The following ASIC2 variants were observed in gnomAD, a reference collection of about 807,000 sequenced individuals.
ASIC2 encodes the protein acid sensing ion channel subunit 2.
ASIC2 carries 25 observed loss-of-function variants against 57.3 expected under a neutral mutation model. The ratio of observed to expected loss-of-function variants is 0.44; its 90% confidence interval spans 0.32 to 0.61. The LOEUF (loss-of-function observed/expected upper bound fraction) is 0.61, where lower values mean the gene tolerates loss of function less well. ASIC2 is among the 20% of genes least tolerant of loss of function. The probability of loss-of-function intolerance (pLI) is 0.06; values close to 1 mark genes in which losing one functional copy is unlikely to be tolerated. For synonymous variants in ASIC2, 319 were observed against 307.5 expected, an observed-to-expected ratio of 1.04 and a Z score of -0.39; for missense variants, 641 against 738.1, an observed-to-expected ratio of 0.87 and a Z score of 1.52.
In ASIC2 at chr17:33,311,930, C is replaced by G. The variant is rs555456385; in HGVS notation, c.556-199863G>C. 2.0e-5 allele frequency among the ~76,000 whole-genome samples: 3 copies of G among 152,320 alleles called. No homozygotes were observed. The South Asian group carries it at 6.2e-4, about 32-fold the overall frequency. On this transcript the variant is annotated intron_variant, in intron 1 of 9. Transcript: ENST00000359872. ...GCAAATGGCTCCACCATCTCCCCAG[C>G]TTTATGTTGCTGCCATATTGAAATA...
chr17:33,324,936 C>T (rs1479431621), intron 1 of ASIC2, among the ~76,000 whole-genome samples: 1 of 152,216 alleles, frequency 6.6e-6, no homozygotes, highest in Non-Finnish European at 1.5e-5. Context: ...TTGTCCCTGA[C>T]AGTCTGGGAT....
chr17:33,756,307 C>A (rs1464173761), intron 1 of ASIC2, among the ~76,000 whole-genome samples: 1 of 152,216 alleles, frequency 6.6e-6, no homozygotes, highest in African/African-American at 2.4e-5. Flanking sequence ...CAAACACCAG[C>A]CCCTCAGATG....
At chr17:33,263,815 T>C (rs12952139) in intron 1 of ASIC2, among the ~76,000 whole-genome samples, 81,308 of 152,146 alleles carry the variant, frequency 0.53, 21,853 homozygotes, top group Middle Eastern at 0.6. Context: ...TCCTAAAGCA[T>C]GGTGCCCGGT....
chr17:33,924,483 C>G (rs1461745001), intron 1 of ASIC2, among the ~76,000 whole-genome samples: 1 of 152,204 alleles, frequency 6.6e-6, no homozygotes, highest in Non-Finnish European at 1.5e-5. Context: ...TGCATTCATG[C>G]TAGGAAAGCA....
chr17:34,016,442 A>AAG (rs1232754277), intron 1 of ASIC2, among the ~76,000 whole-genome samples: 1 of 150,984 alleles, frequency 6.6e-6, no homozygotes, highest in African/African-American at 2.4e-5. Flanking sequence ...AAAAAAAAAA[A>AAG]AAAAAGAAAC....
intron 1 of ASIC2, among the ~76,000 whole-genome samples, chr17:33,389,305 C>T (rs1346111338): frequency 6.6e-6 from 1 of 152,152 alleles, no homozygotes; most frequent in East Asian, 1.9e-4. Context: ...ACAATGTATC[C>T]CTTCTGTTTA....
chr17:33,408,199 G>A (rs1386601573), intron 1 of ASIC2, among the ~76,000 whole-genome samples: 1 of 152,244 alleles, frequency 6.6e-6, no homozygotes, highest in African/African-American at 2.4e-5. Flanking sequence ...GTAAAAAAGA[G>A]AGAAACTAGC....
intron 1 of ASIC2, among the ~76,000 whole-genome samples, chr17:33,226,395 G>A (rs1400270547): frequency 2.0e-5 from 3 of 152,128 alleles, no homozygotes; most frequent in African/African-American, 4.8e-5. Flanking sequence ...ATGAATAGGA[G>A]TTTTTTAGGT....
chr17:33,239,764 T>A (rs527473557), intron 1 of ASIC2, among the ~76,000 whole-genome samples: 1 of 152,272 alleles, frequency 6.6e-6, no homozygotes. Context: ...CCATCCCAAA[T>A]TCAAATATTG....
chr17:34,111,585 T>G (rs1043373483), intron 1 of ASIC2, among the ~76,000 whole-genome samples: 15 of 152,280 alleles, frequency 9.9e-5, no homozygotes, highest in Middle Eastern at 3.4e-3. Context: ...ATTCTGCAAG[T>G]CAAGCCTTTG....
chr17:33,214,767 G>A (rs1907414367), intron 1 of ASIC2, among the ~76,000 whole-genome samples: 1 of 152,276 alleles, frequency 6.6e-6, no homozygotes, highest in Admixed American at 6.5e-5. Flanking sequence ...AAACCACAGA[G>A]CTCAAGAAGA....
chr17:33,032,333 C>G (rs2091886766), intron 3 of ASIC2, among the ~76,000 whole-genome samples: 1 of 151,094 alleles, frequency 6.6e-6, no homozygotes. Context: ...CTTAACATCA[C>G]AATATACCTT....
At chr17:33,076,350 G>A (rs909649592) in intron 3 of ASIC2, among the ~76,000 whole-genome samples, 2 of 152,174 alleles carry the variant, frequency 1.3e-5, no homozygotes, top group African/African-American at 4.8e-5. Context: ...GAGCAGGCTG[G>A]ACCCCTCCTC....
chr17:33,918,389 C>T (rs921464761), intron 1 of ASIC2, among the ~76,000 whole-genome samples: 3 of 152,076 alleles, frequency 2.0e-5, no homozygotes, highest in Non-Finnish European at 4.4e-5. Context: ...CCTTGCATCC[C>T]CAACAACTAA....
At position 33,048,663 on chromosome 17, in the gene ASIC2, G is replaced by T. The variant is rs118091926; in HGVS notation, c.988-20271C>A. On this transcript the variant is annotated intron_variant, in intron 3 of 9. Coordinates refer to ENST00000225823, the MANE Select transcript of ASIC2 (RefSeq NM_183377.2). ...GTTGAGTCCTTGAAATCTGCTCCAG[G>T]TCTGGAGCCCTGGGCCTTAAAAACC... Among the ~76,000 whole-genome samples, 1,130 of 152,252 alleles carry T rather than the reference G, an allele frequency of 7.4e-3. 6 individuals are homozygous for T. Among genetic ancestry groups the T allele is most frequent in the Non-Finnish European group, 0.012 (847 of 68,010 alleles).
intron 1 of ASIC2, among the ~76,000 whole-genome samples, chr17:33,676,629 G>C (rs922100928): frequency 6.6e-6 from 1 of 152,238 alleles, no homozygotes; most frequent in Non-Finnish European, 1.5e-5. Flanking sequence ...AGCTGCAGAA[G>C]TAGTTTGAAG....
intron 1 of ASIC2, among the ~76,000 whole-genome samples, chr17:33,152,550 T>C (rs1904843663): frequency 6.6e-6 from 1 of 152,158 alleles, no homozygotes; most frequent in Non-Finnish European, 1.5e-5. Context: ...GGAGACTGAA[T>C]GAGCAGTCCC....
Position 33,168,269 on chromosome 17 carries a change from A to G in ASIC2, c.709-56202T>C, listed in dbSNP as rs561100947. Among the ~76,000 whole-genome samples, 3 of 152,354 alleles carry G rather than the reference A, an allele frequency of 2.0e-5. No individual in the cohort carries two copies. In the South Asian group the frequency reaches 6.2e-4, roughly 32 times the overall value. On this transcript the variant is annotated intron_variant, in intron 1 of 9. Coordinates refer to ENST00000225823, the MANE Select transcript of ASIC2 (RefSeq NM_183377.2). ...TGGTAAGACAGAAAATTGGTGCCAA[A>G]GAGTGGCACTGTTGCTATAACAAAT...
At chr17:34,073,347 G>C (rs1909497178) in intron 1 of ASIC2, among the ~76,000 whole-genome samples, 1 of 152,230 alleles carries the variant, frequency 6.6e-6, no homozygotes, top group South Asian at 2.1e-4. Flanking sequence ...CAATGGGCTA[G>C]ATATAGCCCA....
Sources: allele counts gnomAD v4.1 joint callset (sites outside exome capture counted in the v4.1 genomes callset), GRCh38; gene constraint gnomAD v4.1.1; transcripts MANE v1.5; gene names NCBI Gene and HGNC (gene_info 2026-07-23, HGNC 2026-07-21).